The following NFX1 variants were observed in gnomAD, a reference collection of about 807,000 sequenced individuals.
The protein encoded by NFX1 is nuclear transcription factor, X-box binding 1, also known as transcriptional repressor NF-X1.
Under a neutral mutation model 137.2 loss-of-function variants are expected in NFX1, and 69 were observed. That is an observed-to-expected ratio of 0.50 (90% CI 0.41 to 0.61). The LOEUF (loss-of-function observed/expected upper bound fraction) is 0.61, where lower values mean the gene tolerates loss of function less well. Among genes scored for constraint, NFX1 ranks in the 20% least tolerant of loss-of-function variants. The pLI, the probability that NFX1 is intolerant of heterozygous loss-of-function variation, is 0.00. For missense variants in NFX1, 1,167 were observed against 1,391.0 expected (o/e 0.84, Z 2.56); for synonymous variants, 495 against 474.1 (o/e 1.04, Z -0.57).
At chr9:33,330,163 CTGAG>C (rs1329435937) in intron 10 of NFX1, among the ~76,000 whole-genome samples, 1 of 152,146 alleles carries the variant, frequency 6.6e-6, no homozygotes, top group African/African-American at 2.4e-5. Context: ...GGGGAACACA[CTGAG>C]TGTTGATTTA....
chr9:33,312,862 C>T (rs1426818727), intron 6 of NFX1, among the ~76,000 whole-genome samples: 1 of 152,216 alleles, frequency 6.6e-6, no homozygotes, highest in African/African-American at 2.4e-5. Context: ...CAGAGCAAGA[C>T]TCTGTCTCAA....
At chr9:33,348,638 A>G in intron 15 of NFX1, 1 of 447,662 alleles carries the variant, frequency 2.2e-6, no homozygotes, top group Non-Finnish European at 3.0e-6. Context: ...TGGAACAGAT[A>G]GACTTGCTGG....
At chr9:33,343,929 C>T in intron 13 of NFX1, 140 bp from the exon 14 acceptor site, 1 of 1,046,008 alleles carries the variant, frequency 9.6e-7, no homozygotes, top group Non-Finnish European at 1.4e-6. Context: ...AAAATAAAAA[C>T]CTCTTTTGAA....
At chr9:33,307,872 C>T (rs1015048898) in intron 5 of NFX1, among the ~76,000 whole-genome samples, 42 of 146,506 alleles carry the variant, frequency 2.9e-4, no homozygotes, top group Non-Finnish European at 5.9e-5. Context: ...GGTGTGATCA[C>T]AGCTCACTGC....
intron 9 of NFX1, among the ~76,000 whole-genome samples, chr9:33,323,777 A>C (rs1455631755): frequency 4.6e-5 from 7 of 151,116 alleles, no homozygotes; most frequent in African/African-American, 7.2e-5. Context: ...ACAAAAAAAA[A>C]CAAATAAATA....
chr9:33,311,876 C>CT lies in NFX1; in HGVS notation c.1448+700dup, dbSNP rs1031641030. Among the ~76,000 whole-genome samples the CT allele has an allele frequency of 4.6e-5, 7 of 152,082 alleles. No individual in the cohort carries two copies. In the East Asian group the frequency reaches 1.4e-3, roughly 29 times the overall value. On this transcript the variant is annotated intron_variant, in intron 6 of 23. Coordinates refer to ENST00000379540, the MANE Select transcript of NFX1 (RefSeq NM_002504.6). Reference sequence around the variant, plus strand: ...GGCAAGGATTTTTTTTTTAACCTCTCTAAGTGGGTGACAGAACCAGGAGTT... The same window carrying CT: ...GGCAAGGATTTTTTTTTTAACCTCTCTTAAGTGGGTGACAGAACCAGGAGTT...
Position 33,295,391 on chromosome 9 carries a change from C to G in NFX1, c.997C>G (p.Gln333Glu), listed in dbSNP as rs1587813720. 1.2e-6 allele frequency: 2 copies of G among 1,613,998 alleles called. No homozygotes were observed. The highest frequency in any genetic ancestry group is 1.7e-6 in the Non-Finnish European group (2 of 1,179,966). The change falls in exon 2 of 24, where the codon CAG becomes GAG. Residue 333 changes from glutamine (Q) to glutamate (E), a missense_variant. Coordinates refer to ENST00000379540, the MANE Select transcript of NFX1 (RefSeq NM_002504.6). ...QVVSPFSRGK[Q>E]NHVLKNVETH... ...AGTATCTCCTTTCTCCCGAGGCAAA[C>G]AGAACCATGTGCTAAAGAATGTGGA...
At chr9:33,314,358 C>A (rs1054288995) in intron 7 of NFX1, among the ~76,000 whole-genome samples, 3 of 151,790 alleles carry the variant, frequency 2.0e-5, no homozygotes, top group African/African-American at 7.3e-5. Flanking sequence ...TTATTATGGA[C>A]CTAGAAAGAC....
At position 33,364,723 on chromosome 9, in the gene NFX1, T is replaced by C; in HGVS notation, c.2988T>C (p.Phe996=). The change falls in exon 21 of 24, where the codon TTT becomes TTC. Residue 996 remains phenylalanine (F), a synonymous_variant. Coordinates refer to ENST00000379540, the MANE Select transcript of NFX1 (RefSeq NM_002504.6). The part of the protein sequence containing the change: ...LKEDARKDLK[F]VSDVEKEMET... ...CTCATTTCAGGAAGGACTTAAAGTTTGTCAGTGACGTTGAGAAGGAAATGG... is the reference window on the plus strand; with the variant it reads ...CTCATTTCAGGAAGGACTTAAAGTTCGTCAGTGACGTTGAGAAGGAAATGG... 1 of 1,613,750 alleles carries C rather than the reference T, an allele frequency of 6.2e-7. No individual in the cohort carries two copies. The highest frequency in any genetic ancestry group is 1.7e-5 in the Admixed American group (1 of 59,978).
At chr9:33,356,991 CAAAA>C (rs371390697) in intron 19 of NFX1, among the ~76,000 whole-genome samples, 4 of 102,642 alleles carry the variant, frequency 3.9e-5, no homozygotes, top group Admixed American at 1.0e-4. Flanking sequence ...AATGCTGTCT[CAAAA>C]AAAAAAAAAA....
At chr9:33,340,433 A>G (rs1823177987) in intron 12 of NFX1, among the ~76,000 whole-genome samples, 1 of 152,210 alleles carries the variant, frequency 6.6e-6, no homozygotes, top group Non-Finnish European at 1.5e-5. Flanking sequence ...CCCTGGGGCC[A>G]GCCCACAAAA....
Position 33,344,104 on chromosome 9 carries a change from G to A in NFX1, c.2260G>A (p.Val754Met). Reference sequence around the variant, plus strand: ...ATTAACCTGCCATTGTGGTGCATCAGTGATTTACCCTCCAGTTCCCTGTGG... The same window carrying A: ...ATTAACCTGCCATTGTGGTGCATCAATGATTTACCCTCCAGTTCCCTGTGG... The part of the protein sequence containing the change: ...DELTCHCGAS[V>M]IYPPVPCGTR... Residue 754 changes from valine (V) to methionine (M), a missense_variant, in exon 14 of 24, where the codon GTG becomes ATG. Val to Met is a conservative substitution (Grantham distance 21). Around this residue, in one of 3 missense-constraint regions of NFX1, gnomAD observed 488 missense variants for 691.5 expected, o/e 0.71. Transcript: ENST00000379540. The A allele has an allele frequency of 1.2e-6, 2 of 1,614,076 alleles. No individual in the cohort carries two copies. The highest frequency in any genetic ancestry group is 1.7e-6 in the Non-Finnish European group (2 of 1,179,974).
At chr9:33,352,795 T>C in intron 17 of NFX1, 76 bp downstream of exon 17, 3 of 1,279,502 alleles carry the variant, frequency 2.3e-6, no homozygotes, top group East Asian at 2.3e-5. Context: ...TTTTTAAAGC[T>C]AGTCAAGTGA....
intron 22 of NFX1, 47 bp from the exon 23 acceptor site, chr9:33,367,468 A>G: frequency 6.3e-7 from 1 of 1,594,698 alleles, no homozygotes; most frequent in South Asian, 1.1e-5. Flanking sequence ...GTCCATCTCC[A>G]CAAACAATTC....
chr9:33,322,124 C>CT (rs1822408376), intron 9 of NFX1, among the ~76,000 whole-genome samples: 1 of 151,188 alleles, frequency 6.6e-6, no homozygotes, highest in Admixed American at 6.6e-5. Context: ...TTGCTTGAAC[C>CT]TGGGGGGCAG....
rs1432263302 is a variant in NFX1, at chr9:33,295,219, A to G, written c.825A>G (p.Arg275=). ...EGHRHTNAGH[R]NNMGPIPKDD... is the part of the protein sequence containing the mutation. ...ACCGACATACAAACGCAGGACACAG[A>G]AACAACATGGGCCCCATTCCAAAGG... Residue 275 remains arginine (R), a synonymous_variant, in exon 2 of 24, where the codon AGA becomes AGG. Transcript: ENST00000379540. 6.2e-7 allele frequency: 1 copy of G among 1,614,188 alleles called. No individual in the cohort carries two copies. Among genetic ancestry groups the G allele is most frequent in the Admixed American group, 1.7e-5 (1 of 60,028 alleles).
Position 33,351,734 on chromosome 9 carries a change from T to C in NFX1, c.2599T>C (p.Cys867Arg), listed in dbSNP as rs1323201509. The change falls in exon 16 of 24, where the codon TGT becomes CGT. Residue 867 changes from cysteine (C) to arginine (R), a missense_variant. Around this residue, in one of 3 missense-constraint regions of NFX1, gnomAD observed 488 missense variants for 691.5 expected, o/e 0.71. Transcript: ENST00000379540. ...CCCCAGAGCTGACTGTGGTCACCCG[T>C]GTATGGCACCCTGCCATACCAGCTC... is the stretch of plus-strand genomic sequence containing the variant. ...TTPRADCGHP[C>R]MAPCHTSSPC... 6.2e-7 allele frequency: 1 copy of C among 1,612,262 alleles called. No homozygotes were observed. The highest frequency in any genetic ancestry group is 8.5e-7 in the Non-Finnish European group (1 of 1,179,234).
chr9:33,293,055 A>G (rs1201143130), intron 1 of NFX1, among the ~76,000 whole-genome samples: 3 of 152,220 alleles, frequency 2.0e-5, no homozygotes, highest in African/African-American at 4.8e-5. Flanking sequence ...AGGTTACTCT[A>G]TGACCTTTAT....
intron 19 of NFX1, among the ~76,000 whole-genome samples, chr9:33,363,152 G>A (rs1406001930): frequency 1.3e-5 from 2 of 151,772 alleles, no homozygotes; most frequent in African/African-American, 4.8e-5. Context: ...CTAATACACT[G>A]ATTTGGTCAT....
Sources: allele counts gnomAD v4.1 joint callset (sites outside exome capture counted in the v4.1 genomes callset), GRCh38; gene constraint gnomAD v4.1.1; regional missense constraint gnomAD v4.1.1; transcripts MANE v1.5; gene names NCBI Gene and HGNC (gene_info 2026-07-23, HGNC 2026-07-21).